STK10: variants seen among roughly 807,000 people sequenced by gnomAD.
STK10 encodes the protein serine/threonine kinase 10.
STK10 carries 78 observed loss-of-function variants against 113.8 expected under a neutral mutation model. That is an observed-to-expected ratio of 0.69 (90% CI 0.57 to 0.83). The LOEUF (loss-of-function observed/expected upper bound fraction) is 0.83, where lower values mean the gene tolerates loss of function less well. Ranked by LOEUF, STK10 falls within the 40% of genes least tolerant of loss-of-function variation. The pLI is 0.00. For missense variants in STK10, 1,109 were observed against 1,280.1 expected, an observed-to-expected ratio of 0.87 and a Z score of 2.04; for synonymous variants, 465 against 494.7, an observed-to-expected ratio of 0.94 and a Z score of 0.80.
At chr5:172,055,859 C>A in intron 15 of STK10, 83 bp from the exon 16 acceptor site, 1 of 1,245,452 alleles carries the variant, frequency 8.0e-7, no homozygotes, top group South Asian at 2.7e-5. Context: ...CCCCACACTC[C>A]ACTCAGGGGC....
rs924971039 is a variant in STK10, at chr5:172,187,977, T to C, written c.66A>G (p.Glu22=). Residue 22 remains glutamate (E), a synonymous_variant, in exon 1 of 19, where the codon GAA becomes GAG. Coordinates refer to ENST00000176763, the MANE Select transcript of STK10 (RefSeq NM_005990.4). This position sits in a 1 kb window ranked among gnomAD's most constrained non-coding sequence, Gnocchi z 4.6. Reference sequence around the variant, plus strand: ...CCAGGTCGCGGCGGACGTGCTCATATTCGCGGGACTTTCTCTTCTCGAAGG... The same window carrying C: ...CCAGGTCGCGGCGGACGTGCTCATACTCGCGGGACTTTCTCTTCTCGAAGG... ...LSTFEKRKSR[E]YEHVRRDLDP... is the part of the protein sequence containing the mutation. 4.3e-6 allele frequency: 7 copies of C among 1,613,462 alleles called. No individual in the cohort carries two copies. The highest frequency in any genetic ancestry group is 5.9e-6 in the Non-Finnish European group (7 of 1,179,782).
chr5:172,139,590 T>A (rs1237500882), intron 2 of STK10, among the ~76,000 whole-genome samples: 1 of 150,474 alleles, frequency 6.6e-6, no homozygotes, highest in Non-Finnish European at 1.5e-5. Context: ...ACAAGACCAA[T>A]CAATAAGGAA....
At chr5:172,119,106 C>T (rs962038763) in intron 3 of STK10, among the ~76,000 whole-genome samples, 4 of 152,058 alleles carry the variant, frequency 2.6e-5, no homozygotes, top group Non-Finnish European at 4.4e-5. Context: ...CCCACGTGCG[C>T]ACGCTGCAGA....
chr5:172,102,479 G>A (rs1769011106), intron 7 of STK10, among the ~76,000 whole-genome samples: 1 of 152,220 alleles, frequency 6.6e-6, no homozygotes, highest in South Asian at 2.1e-4. Flanking sequence ...CATGGAGCTG[G>A]GAGTGCTGCA....
chr5:172,115,667 C>G (rs1769367060), intron 4 of STK10, among the ~76,000 whole-genome samples: 1 of 152,212 alleles, frequency 6.6e-6, no homozygotes, highest in Admixed American at 6.5e-5. Context: ...CTGGACCCAG[C>G]TGCCTTGGTT....
intron 7 of STK10, among the ~76,000 whole-genome samples, chr5:172,104,487 T>A (rs533234004): frequency 6.6e-6 from 1 of 152,304 alleles, no homozygotes; most frequent in South Asian, 2.1e-4. Flanking sequence ...TCTAAGGCAG[T>A]ACAGCCAGCT....
intron 18 of STK10, among the ~76,000 whole-genome samples, chr5:172,047,516 T>C (rs1018623009): frequency 1.3e-5 from 2 of 152,126 alleles, no homozygotes; most frequent in Non-Finnish European, 2.9e-5. Flanking sequence ...CAGCAGACCA[T>C]GGTTACAGAA....
In STK10 at chr5:172,127,391, C is replaced by T. The variant is rs149323437; in HGVS notation, c.352G>A (p.Val118Met). 5.6e-5 allele frequency: 90 copies of T among 1,613,714 alleles called. No homozygotes were observed. Among genetic ancestry groups the T allele is most frequent in the Admixed American group, 8.3e-5 (5 of 59,982 alleles). ...GACTCACCCAGCATGATGGCGTCCA[C>T]GGCTCCCCCTGGACAGAACTCAATC... is the stretch of plus-strand genomic sequence containing the variant. Reference protein sequence around the residue: ...IMIEFCPGGAVDAIMLELDRG... With the variant: ...IMIEFCPGGAMDAIMLELDRG... Residue 118 changes from valine to methionine, a missense_variant, in exon 3 of 19, where the codon GTG becomes ATG. By Grantham distance (21) the Val-to-Met change is conservative. Around this residue, in one of 5 missense-constraint regions of STK10, gnomAD observed 120 missense variants for 134.8 expected, o/e 0.89. Transcript: ENST00000176763.
chr5:172,155,542 A>G (rs1770330644), intron 2 of STK10, among the ~76,000 whole-genome samples: 1 of 152,032 alleles, frequency 6.6e-6, no homozygotes, highest in Admixed American at 6.6e-5. Context: ...CAGAGGACAC[A>G]CAAAAAAATC....
chr5:172,166,841 G>A (rs1410761687), intron 1 of STK10, among the ~76,000 whole-genome samples: 1 of 152,110 alleles, frequency 6.6e-6, no homozygotes, highest in African/African-American at 2.4e-5. Flanking sequence ...CCTCATTCCT[G>A]GGAATTTAAG....
chr5:172,107,033 G>A (rs535858210), intron 5 of STK10: 2 of 266,938 alleles, frequency 7.5e-6, no homozygotes, highest in South Asian at 3.5e-5. Context: ...CAGTTCCGAT[G>A]CCTACCGCGA....
At chr5:172,109,601 C>A (rs1380766803) in intron 4 of STK10, among the ~76,000 whole-genome samples, 1 of 152,114 alleles carries the variant, frequency 6.6e-6, no homozygotes, top group Non-Finnish European at 1.5e-5. Flanking sequence ...GGCACCAGGA[C>A]CGGCCAATAA....
chr5:172,077,384 A>T (rs1768334907), intron 12 of STK10, among the ~76,000 whole-genome samples: 1 of 152,172 alleles, frequency 6.6e-6, no homozygotes, highest in African/African-American at 2.4e-5. Flanking sequence ...TTCCTTCAAG[A>T]CTGGTTATAT....
chr5:172,083,127 G>A (rs1335671589), intron 10 of STK10, 43 bp from the exon 11 acceptor site: 2 of 1,609,876 alleles, frequency 1.2e-6, no homozygotes, highest in Non-Finnish European at 1.7e-6. Flanking sequence ...TAAGAAACTG[G>A]CTTCAGAGAT....
intron 16 of STK10, 152 bp downstream of exon 16, chr5:172,055,436 C>T (rs947453903): frequency 2.8e-5 from 22 of 773,864 alleles, no homozygotes; most frequent in African/African-American, 3.6e-5. Flanking sequence ...GTGACCCGCC[C>T]GCCTCGGCCT....
At position 172,130,600 on chromosome 5, in the gene STK10, C is replaced by T. The variant is rs181302965; in HGVS notation, c.322-3179G>A. ...ATATGTAACAAGGTCAGACACTTCC[C>T]GCTTCTCCAACAAGGTGCCAACACA... On this transcript the variant is annotated intron_variant, in intron 2 of 18. Coordinates refer to ENST00000176763, the MANE Select transcript of STK10 (RefSeq NM_005990.4). 5.9e-4 allele frequency among the ~76,000 whole-genome samples: 90 copies of T among 152,050 alleles called. 1 individual carries two copies. Among genetic ancestry groups the T allele is most frequent in the African/African-American group, 1.9e-3 (77 of 41,474 alleles).
intron 1 of STK10, among the ~76,000 whole-genome samples, chr5:172,162,588 T>TC (rs1370457270): frequency 2.0e-5 from 3 of 152,096 alleles, no homozygotes; most frequent in Non-Finnish European, 4.4e-5. Context: ...TTCCTACTCC[T>TC]CCCCTTCCTC....
At chr5:172,090,932 C>G (rs1768687706) in intron 9 of STK10, among the ~76,000 whole-genome samples, 1 of 105,058 alleles carries the variant, frequency 9.5e-6, no homozygotes, top group Non-Finnish European at 1.8e-5. Context: ...TAGACTCCGT[C>G]TCTAAAAAAA....
intron 5 of STK10, chr5:172,107,116 A>T (rs1326019240): frequency 1.5e-5 from 4 of 264,530 alleles, no homozygotes; most frequent in African/African-American, 2.8e-5. Flanking sequence ...GGTGCGGAGC[A>T]AAAAAAAAGG....
Sources: allele counts gnomAD v4.1 joint callset (sites outside exome capture counted in the v4.1 genomes callset), GRCh38; gene constraint gnomAD v4.1.1; regional missense constraint gnomAD v4.1.1; non-coding constraint Gnocchi (gnomAD v3.1); transcripts MANE v1.5; gene names NCBI Gene and HGNC (gene_info 2026-07-23, HGNC 2026-07-21).